Variants in EHD4 observed in about 807,000 individuals in gnomAD.
The protein encoded by EHD4 is EH domain containing 4, also known as EH domain-containing protein 4.
Under a neutral mutation model 51.0 loss-of-function variants are expected in EHD4, and 37 were observed. The observed-to-expected ratio is 0.73, with a 90% CI of 0.56 to 0.95. The LOEUF is 0.95. Among genes scored for constraint, EHD4 ranks in the 40% least tolerant of loss-of-function variants. The probability of loss-of-function intolerance (pLI) is 0.00; values close to 1 mark genes in which losing one functional copy is unlikely to be tolerated. For missense variants in EHD4, 632 were observed against 733.1 expected (o/e 0.86, Z 1.59); for synonymous variants, 297 against 317.3 (o/e 0.94, Z 0.68).
intron 2 of EHD4, among the ~76,000 whole-genome samples, chr15:41,951,073 C>T (rs554607835): frequency 7.6e-4 from 115 of 152,300 alleles, no homozygotes; most frequent in African/African-American, 2.7e-3. Context: ...GATTCCCAGT[C>T]CAAACATCAT....
intron 3 of EHD4, among the ~76,000 whole-genome samples, chr15:41,931,409 A>G (rs1355685265): frequency 2.6e-5 from 4 of 152,108 alleles, no homozygotes; most frequent in Non-Finnish European, 5.9e-5. Context: ...GCTACTCAGG[A>G]GGCTGAGGTG....
intron 3 of EHD4, 150 bp downstream of exon 3, chr15:41,942,917 T>C: frequency 3.2e-6 from 2 of 630,288 alleles, no homozygotes; most frequent in Non-Finnish European, 5.7e-6. Context: ...TTTGATGCTA[T>C]GAACTCCTGG....
At chr15:41,922,501 C>G (rs1376721306) in intron 3 of EHD4, among the ~76,000 whole-genome samples, 31 of 152,254 alleles carry the variant, frequency 2.0e-4, no homozygotes, top group Admixed American at 2.0e-3. Flanking sequence ...ACCTGCCACC[C>G]AAACTGAAAC....
At chr15:41,959,961 CAA>C (rs575509600) in intron 1 of EHD4, among the ~76,000 whole-genome samples, 66 of 57,992 alleles carry the variant, frequency 1.1e-3, no homozygotes, top group Admixed American at 7.8e-3. Flanking sequence ...GACTCCACCT[CAA>C]AAAAAAAAAA....
chr15:41,937,068 T>C (rs79238508), intron 3 of EHD4, among the ~76,000 whole-genome samples: 2,289 of 152,310 alleles, frequency 0.015, 50 homozygotes, highest in African/African-American at 0.052. Context: ...GGTCACTGAA[T>C]GCAAACTCTA....
At chr15:41,938,850 T>C (rs1483804524) in intron 3 of EHD4, among the ~76,000 whole-genome samples, 3 of 152,218 alleles carry the variant, frequency 2.0e-5, no homozygotes, top group Non-Finnish European at 4.4e-5. Context: ...TACATTATAA[T>C]TTTTCAAAGG....
rs549397130 is a variant in EHD4, at chr15:41,896,555, A to C, written c.*4090T>G. ...GAGGGTGGGAGGAGGAGTGCTCTGC[A>C]AGGAGACTGTAGGTCTGGACCACCA... On this transcript the variant is annotated 3_prime_UTR_variant, in exon 6 of 6. Transcript: ENST00000220325. The C allele has an allele frequency of 3.9e-4, 59 of 151,640 alleles. No homozygotes were observed. The highest frequency in any genetic ancestry group is 1.4e-3 in the African/African-American group (58 of 41,410). 9.4% of individuals were successfully genotyped at this position (151,640 alleles called of 1,614,324 possible).
rs1193489306 is a variant in EHD4, at chr15:41,967,968, C to T, written c.236+4291G>A. ...CTCCTCAGCCTGTGGTTTTAATCCC[C>T]TCTTGAACACAGCTGGGCTCCCTTC... On this transcript the variant is annotated intron_variant, in intron 1 of 5. Transcript: ENST00000220325. 2.0e-5 allele frequency among the ~76,000 whole-genome samples: 3 copies of T among 152,224 alleles called. No homozygotes were observed. The East Asian group carries it at 5.8e-4, about 29-fold the overall frequency.
intron 1 of EHD4, among the ~76,000 whole-genome samples, chr15:41,965,941 C>G (rs1294711186): frequency 1.5e-5 from 2 of 136,534 alleles, no homozygotes; most frequent in South Asian, 2.8e-4. Flanking sequence ...CCCGCCCCAC[C>G]TACTCACCTC....
At chr15:41,945,270 C>G (rs556065133) in intron 2 of EHD4, among the ~76,000 whole-genome samples, 17 of 152,184 alleles carry the variant, frequency 1.1e-4, no homozygotes, top group Non-Finnish European at 2.5e-4. Flanking sequence ...ACAGCCACCC[C>G]CTAGATTCTC....
chr15:41,913,142 G>C (rs1442507757), intron 4 of EHD4, among the ~76,000 whole-genome samples: 2 of 152,162 alleles, frequency 1.3e-5, no homozygotes, highest in East Asian at 1.9e-4. Flanking sequence ...ACACCACGTG[G>C]GAATGCGGGT....
chr15:41,943,122 G>A lies in EHD4; in HGVS notation c.456C>T (p.Ile152=), dbSNP rs1278934696. The A allele has an allele frequency of 1.3e-6, 2 of 1,594,606 alleles. No individual in the cohort carries two copies. The highest frequency in any genetic ancestry group is 1.7e-6 in the Non-Finnish European group (2 of 1,170,588). ...SQLPNQVLKS[I]SVIDSPGILS... ...GGATGCCGGGGCTGTCGATGACGCT[G>A]ATGCTCTTCAGGACCTGATTGGGGA... is the stretch of plus-strand genomic sequence containing the variant. Residue 152 remains isoleucine, a synonymous_variant, in exon 3 of 6, where the codon ATC becomes ATT. Transcript: ENST00000220325.
chr15:41,916,594 A>C (rs2067585345), intron 4 of EHD4, among the ~76,000 whole-genome samples: 1 of 152,258 alleles, frequency 6.6e-6, no homozygotes, highest in Non-Finnish European at 1.5e-5. Context: ...CTCCAAAAAG[A>C]AAAACTCAGG....
chr15:41,965,170 G>A (rs1206978593), intron 1 of EHD4, among the ~76,000 whole-genome samples: 1 of 152,102 alleles, frequency 6.6e-6, no homozygotes, highest in African/African-American at 2.4e-5. Context: ...TCAGTTCATT[G>A]CAACATTATG....
intron 4 of EHD4, among the ~76,000 whole-genome samples, chr15:41,914,054 G>A: frequency 6.6e-6 from 1 of 152,096 alleles, no homozygotes; most frequent in Non-Finnish European, 1.5e-5. Context: ...GTGTGTGTGT[G>A]TGTGCCTCCA....
Position 41,972,360 on chromosome 15 carries a change from G to C in EHD4, c.135C>G (p.Phe45Leu). 1 of 1,611,314 alleles carries C rather than the reference G, an allele frequency of 6.2e-7. No individual in the cohort carries two copies. The change falls in exon 1 of 6, where the codon TTC (phenylalanine) becomes TTG (leucine). Residue 45 changes from phenylalanine (F) to leucine (L), a missense_variant. Transcript: ENST00000220325. ...KVLPLEEAYR[F>L]HEFHSPALED... ...CCAGCGCAGGCGAGTGGAACTCGTG[G>C]AAGCGGTACGCCTCCTCCAGCGGCA...
At chr15:41,954,092 T>C in intron 1 of EHD4, 152 bp from the exon 2 acceptor site, 1 of 857,428 alleles carries the variant, frequency 1.2e-6, no homozygotes, top group East Asian at 2.7e-5. Context: ...TCTGCATTTC[T>C]GTTGATGCAA....
Position 41,941,941 on chromosome 15 carries a change from C to T in EHD4, c.511+1126G>A, listed in dbSNP as rs559479573. On this transcript the variant is annotated intron_variant, in intron 3 of 5. Coordinates refer to ENST00000220325, the MANE Select transcript of EHD4 (RefSeq NM_139265.4). Reference sequence around the variant, plus strand: ...ACCCCACACAGGCTTCTGCTCAACCCTGGCATGCCCAGACTTCTCAGCACG... The same window carrying T: ...ACCCCACACAGGCTTCTGCTCAACCTTGGCATGCCCAGACTTCTCAGCACG... 3.9e-5 allele frequency: 6 copies of T among 152,412 alleles called. No individual in the cohort carries two copies. In the East Asian group the frequency reaches 1.2e-3, roughly 29 times the overall value. The allele number at this position is 152,412 out of a possible 1,614,324, so 9.4% of individuals were successfully genotyped here.
At chr15:41,906,709 C>A (rs566610681) in intron 5 of EHD4, among the ~76,000 whole-genome samples, 11 of 152,358 alleles carry the variant, frequency 7.2e-5, no homozygotes, top group East Asian at 3.9e-4. Flanking sequence ...TGTAGCACCC[C>A]CTCTGGGGCT....
Sources: allele counts gnomAD v4.1 joint callset (sites outside exome capture counted in the v4.1 genomes callset), GRCh38; gene constraint gnomAD v4.1.1; transcripts MANE v1.5; gene names NCBI Gene and HGNC (gene_info 2026-07-23, HGNC 2026-07-21).